NEK11: variants seen among roughly 807,000 people sequenced by gnomAD.
NEK11 encodes the protein NIMA related kinase 11, also known as serine/threonine-protein kinase Nek11.
A neutral mutation model predicts 80.7 loss-of-function variants in NEK11; 72 were observed. The observed-to-expected ratio is 0.89, with a 90% confidence interval of 0.74 to 1.08. The LOEUF is 1.08. Among genes scored for constraint, NEK11 ranks in the 50% least tolerant of loss-of-function variants. NEK11 has a pLI of 0.00. For synonymous variants in NEK11, 251 were observed against 260.7 expected, an observed-to-expected ratio of 0.96 and a Z score of 0.36; for missense variants, 764 against 763.6, an observed-to-expected ratio of 1.00 and a Z score of -0.01.
chr3:131,311,114 T>C (rs2096777944), intron 17 of NEK11, among the ~76,000 whole-genome samples: 1 of 152,082 alleles, frequency 6.6e-6, no homozygotes, highest in Admixed American at 6.6e-5. Context: ...GCACTTTTTT[T>C]CAAAAAGTTT....
chr3:131,029,852 C>T lies in NEK11; in HGVS notation c.144C>T (p.Asp48=), dbSNP rs372672637. The T allele has an allele frequency of 1.4e-5, 23 of 1,614,202 alleles. No homozygotes were observed. The highest frequency in any genetic ancestry group is 1.9e-5 in the Non-Finnish European group (23 of 1,180,032). Reference sequence around the variant, plus strand: ...TTGGAACTGTCTATCTGGTTTCAGACAAGAAAGCCAAACGAGGAGAGGAAT... The same window carrying T: ...TTGGAACTGTCTATCTGGTTTCAGATAAGAAAGCCAAACGAGGAGAGGAAT... ...GSFGTVYLVS[D]KKAKRGEELK... The change falls in exon 3 of 18, where the codon GAC becomes GAT. Residue 48 remains aspartate, a synonymous_variant. Transcript: ENST00000383366.
At chr3:131,036,948 A>G (rs1416314272) in intron 3 of NEK11, among the ~76,000 whole-genome samples, 1 of 152,208 alleles carries the variant, frequency 6.6e-6, no homozygotes, top group Non-Finnish European at 1.5e-5. Context: ...AGGAAAATAT[A>G]AGCATTTTCC....
chr3:131,259,510 C>G lies in NEK11; in HGVS notation c.1622-13968C>G, dbSNP rs113337092. On this transcript the variant is annotated intron_variant, in intron 16 of 17. Coordinates refer to ENST00000383366, the MANE Select transcript of NEK11 (RefSeq NM_024800.5). ...TAGGCTGGGTTTTCTAGGAAGCCGTCTCTGACAGAGTTGAGTAGGCAGGAC... is the reference window on the plus strand; with the variant it reads ...TAGGCTGGGTTTTCTAGGAAGCCGTGTCTGACAGAGTTGAGTAGGCAGGAC... Among the ~76,000 whole-genome samples the G allele has an allele frequency of 9.7e-3, 1,473 of 152,278 alleles. 17 individuals are homozygous for G. Among genetic ancestry groups the G allele is most frequent in the African/African-American group, 0.032 (1,318 of 41,566 alleles).
At chr3:131,076,186 CCA>C (rs2074323118) in intron 3 of NEK11, among the ~76,000 whole-genome samples, 1 of 152,120 alleles carries the variant, frequency 6.6e-6, no homozygotes, top group South Asian at 2.1e-4. Context: ...CAGGGATCTG[CCA>C]CAGTGTAAGG....
intron 3 of NEK11, among the ~76,000 whole-genome samples, chr3:131,079,399 A>T (rs947407392): frequency 6.6e-6 from 1 of 152,216 alleles, no homozygotes; most frequent in African/African-American, 2.4e-5. Context: ...ATTTTTATTG[A>T]TATGCATAAG....
At position 131,141,454 on chromosome 3, in the gene NEK11, G is replaced by A. The variant is rs189876638; in HGVS notation, c.647+7498G>A. 8.1e-4 allele frequency among the ~76,000 whole-genome samples: 123 copies of A among 152,202 alleles called. No individual in the cohort carries two copies. The Middle Eastern group carries it at 0.017, about 21-fold the overall frequency. ...GGTGCCCACTGGGAGAAGAGGGAGG[G>A]AACTGTGCAGGGAAAGAAAGTGGCT... On this transcript the variant is annotated intron_variant, in intron 7 of 17. Coordinates refer to ENST00000383366, the MANE Select transcript of NEK11 (RefSeq NM_024800.5).
intron 4 of NEK11, among the ~76,000 whole-genome samples, chr3:131,109,038 C>T (rs1286723897): frequency 6.6e-6 from 1 of 152,012 alleles, no homozygotes; most frequent in East Asian, 1.9e-4. Context: ...TTATATACAA[C>T]TCTAAGTGTA....
chr3:131,224,319 C>A (rs188013748), intron 14 of NEK11, among the ~76,000 whole-genome samples: 1 of 152,066 alleles, frequency 6.6e-6, no homozygotes, highest in African/African-American at 2.4e-5. Context: ...CCTCCACCTT[C>A]CAGGCTCAAG....
chr3:131,186,392 G>A (rs560158616), intron 14 of NEK11, among the ~76,000 whole-genome samples: 1 of 152,144 alleles, frequency 6.6e-6, no homozygotes, highest in Non-Finnish European at 1.5e-5. Flanking sequence ...TGTCAGGTCT[G>A]TAGACAGCCC....
intron 4 of NEK11, among the ~76,000 whole-genome samples, chr3:131,108,383 G>A (rs2079532717): frequency 6.6e-6 from 1 of 152,034 alleles, no homozygotes; most frequent in Non-Finnish European, 1.5e-5. Context: ...CCATGAATAT[G>A]ATAAGGACCT....
intron 4 of NEK11, among the ~76,000 whole-genome samples, chr3:131,101,868 G>A (rs1471388817): frequency 6.6e-6 from 1 of 152,140 alleles, no homozygotes; most frequent in Admixed American, 6.5e-5. Context: ...CTTTTCATAG[G>A]CCAAGAAGAA....
intron 5 of NEK11, among the ~76,000 whole-genome samples, chr3:131,118,743 T>C (rs2149441221): frequency 6.6e-6 from 1 of 152,350 alleles, no homozygotes; most frequent in Non-Finnish European, 1.5e-5. Context: ...GTTCTAGATT[T>C]TCTAGTTTAT....
chr3:131,063,020 AATT>A (rs2071187726), intron 3 of NEK11, among the ~76,000 whole-genome samples: 1 of 152,148 alleles, frequency 6.6e-6, no homozygotes, highest in Admixed American at 6.6e-5. Context: ...AGTTTTAAAA[AATT>A]ATTATTTTTG....
chr3:131,212,491 C>T (rs928067225), intron 14 of NEK11, among the ~76,000 whole-genome samples: 7 of 152,056 alleles, frequency 4.6e-5, no homozygotes, highest in South Asian at 2.1e-4. Flanking sequence ...TCTCAAACTC[C>T]GTGCTTGGAG....
At chr3:131,192,246 T>C (rs2674616) in intron 14 of NEK11, among the ~76,000 whole-genome samples, 123,549 of 152,152 alleles carry the variant, frequency 0.81, 50,258 homozygotes, top group East Asian at 0.85. Flanking sequence ...GATACGACTT[T>C]ACACCCATTA....
intron 5 of NEK11, among the ~76,000 whole-genome samples, chr3:131,130,118 T>C (rs2084158368): frequency 6.6e-6 from 1 of 152,144 alleles, no homozygotes; most frequent in Non-Finnish European, 1.5e-5. Context: ...TTCATTACAG[T>C]TGTGTAGCTT....
chr3:131,081,466 C>T (rs1330359451), intron 4 of NEK11, among the ~76,000 whole-genome samples: 1 of 152,116 alleles, frequency 6.6e-6, no homozygotes, highest in Non-Finnish European at 1.5e-5. Flanking sequence ...GAGTGTGAAG[C>T]TGCTTAGAGA....
intron 17 of NEK11, among the ~76,000 whole-genome samples, chr3:131,295,937 T>C (rs889478356): frequency 6.6e-6 from 1 of 152,158 alleles, no homozygotes; most frequent in African/African-American, 2.4e-5. Flanking sequence ...CCTCCTGGGC[T>C]CAAGTGAGCC....
At chr3:131,256,323 T>C (rs2095815893) in intron 16 of NEK11, among the ~76,000 whole-genome samples, 1 of 152,192 alleles carries the variant, frequency 6.6e-6, no homozygotes, top group Non-Finnish European at 1.5e-5. Flanking sequence ...TTGTATCCCA[T>C]AATTACATAC....
Sources: gnomAD v4.1 joint callset for allele counts (sites outside exome capture counted in the v4.1 genomes callset) on GRCh38, gnomAD v4.1.1 for gene constraint, MANE v1.5 for transcripts, NCBI Gene and HGNC (gene_info 2026-07-23, HGNC 2026-07-21) for gene names.